Variants in CSMD3 observed in about 807,000 individuals in gnomAD.
CSMD3 encodes CUB and Sushi multiple domains 3, also known as CUB and sushi domain-containing protein 3.
Under a neutral mutation model 435.2 loss-of-function variants are expected in CSMD3, and 177 were observed. That is an observed-to-expected ratio of 0.41 (90% CI 0.36 to 0.46). CSMD3 has a LOEUF of 0.46. Ranked by LOEUF, CSMD3 falls within the 20% of genes least tolerant of loss-of-function variation. CSMD3 has a pLI of 0.34. For synonymous variants in CSMD3, 1,656 were observed against 1,520.5 expected (o/e 1.09, Z -2.07); for missense variants, 4,265 against 4,504.6 (o/e 0.95, Z 1.52).
intron 3 of CSMD3, among the ~76,000 whole-genome samples, chr8:113,237,980 C>A (rs943406135): frequency 1.3e-5 from 2 of 149,158 alleles, no homozygotes; most frequent in African/African-American, 4.9e-5. Flanking sequence ...GAGGCCGAGG[C>A]AGGAGAATCA....
chr8:113,062,209 A>G (rs2088647078), intron 5 of CSMD3, among the ~76,000 whole-genome samples: 1 of 151,862 alleles, frequency 6.6e-6, no homozygotes, highest in Admixed American at 6.6e-5. Flanking sequence ...AAAAAAGTTC[A>G]TTGTTTATTT....
intron 12 of CSMD3, among the ~76,000 whole-genome samples, chr8:112,809,266 A>G (rs2079164810): frequency 6.6e-6 from 1 of 152,114 alleles, no homozygotes; most frequent in Non-Finnish European, 1.5e-5. Flanking sequence ...ATTGACCAGG[A>G]GATTCGATTT....
intron 4 of CSMD3, among the ~76,000 whole-genome samples, chr8:113,105,312 A>G (rs1012526880): frequency 1.1e-4 from 16 of 152,144 alleles, no homozygotes; most frequent in Admixed American, 9.2e-4. Flanking sequence ...CTAAGGAGAT[A>G]CATTCCGGAC....
intron 3 of CSMD3, among the ~76,000 whole-genome samples, chr8:113,237,165 T>C (rs1470189002): frequency 5.9e-5 from 9 of 152,186 alleles, no homozygotes; most frequent in African/African-American, 2.2e-4. Flanking sequence ...TGAAATAACA[T>C]TTTTAAGTGA....
At chr8:112,945,443 G>A (rs1041798310) in intron 9 of CSMD3, among the ~76,000 whole-genome samples, 1 of 151,696 alleles carries the variant, frequency 6.6e-6, no homozygotes, top group Non-Finnish European at 1.5e-5. Flanking sequence ...TGAGCTAAAT[G>A]AGTAAAGTAG....
At chr8:113,400,485 C>A (rs1342058490) in intron 1 of CSMD3, among the ~76,000 whole-genome samples, 1 of 151,900 alleles carries the variant, frequency 6.6e-6, no homozygotes, top group African/African-American at 2.4e-5. Context: ...TGCTATGATA[C>A]TTTTAATATA....
At chr8:113,191,135 C>T (rs1054863591) in intron 3 of CSMD3, among the ~76,000 whole-genome samples, 5 of 151,706 alleles carry the variant, frequency 3.3e-5, no homozygotes, top group African/African-American at 1.2e-4. Context: ...CAGAGAAACA[C>T]CAGGAACTTC....
intron 7 of CSMD3, among the ~76,000 whole-genome samples, chr8:112,962,841 G>T (rs2084280949): frequency 6.6e-6 from 1 of 151,868 alleles, no homozygotes; most frequent in South Asian, 2.1e-4. Context: ...CCAGAAATTT[G>T]ATCTGAATGG....
intron 32 of CSMD3, among the ~76,000 whole-genome samples, chr8:112,463,677 G>A (rs911973156): frequency 2.6e-5 from 4 of 152,156 alleles, no homozygotes. Context: ...GGACTTATCT[G>A]TGTACTTTAT....
At chr8:112,497,005 C>T (rs1037223890) in intron 30 of CSMD3, among the ~76,000 whole-genome samples, 3 of 152,052 alleles carry the variant, frequency 2.0e-5, no homozygotes, top group Admixed American at 6.5e-5. Context: ...ATGGAAACCC[C>T]GTTTACCCTC....
intron 13 of CSMD3, among the ~76,000 whole-genome samples, chr8:112,721,847 G>A (rs2076865349): frequency 6.6e-6 from 1 of 151,954 alleles, no homozygotes; most frequent in Non-Finnish European, 1.5e-5. Flanking sequence ...TGATGTGTGA[G>A]GTAAAACACA....
intron 22 of CSMD3, among the ~76,000 whole-genome samples, chr8:112,603,882 T>C (rs138364428): frequency 1.1e-4 from 17 of 152,262 alleles, no homozygotes; most frequent in African/African-American, 3.8e-4. Context: ...ATATATTAGG[T>C]AAGTTAAGGC....
intron 1 of CSMD3, among the ~76,000 whole-genome samples, chr8:113,381,732 A>G (rs2094416703): frequency 6.6e-6 from 1 of 152,114 alleles, no homozygotes; most frequent in Non-Finnish European, 1.5e-5. Context: ...TAAAGGAGGT[A>G]AAATATGATT....
intron 32 of CSMD3, among the ~76,000 whole-genome samples, chr8:112,458,280 A>G (rs556985552): frequency 1.2e-4 from 18 of 147,454 alleles, no homozygotes; most frequent in African/African-American, 4.4e-4. Context: ...GACACTTAGC[A>G]TCCTTAGAGA....
chr8:112,437,737 T>C (rs1407814100), intron 32 of CSMD3, among the ~76,000 whole-genome samples: 1 of 152,138 alleles, frequency 6.6e-6, no homozygotes, highest in Non-Finnish European at 1.5e-5. Flanking sequence ...TTCCAGTAAT[T>C]TTTAATGTTA....
intron 32 of CSMD3, among the ~76,000 whole-genome samples, chr8:112,455,297 T>C (rs1374917904): frequency 1.3e-5 from 2 of 151,796 alleles, no homozygotes; most frequent in East Asian, 3.9e-4. Flanking sequence ...GCAACATAGA[T>C]GCAACTGTAG....
intron 22 of CSMD3, among the ~76,000 whole-genome samples, chr8:112,615,772 T>C (rs977492270): frequency 1.3e-5 from 2 of 152,094 alleles, no homozygotes; most frequent in Admixed American, 6.6e-5. Flanking sequence ...ACACTGGAGC[T>C]GCTATAGCCA....
intron 32 of CSMD3, among the ~76,000 whole-genome samples, chr8:112,418,757 T>A (rs1225925717): frequency 6.6e-6 from 1 of 152,200 alleles, no homozygotes; most frequent in African/African-American, 2.4e-5. Flanking sequence ...TTACATTAAT[T>A]GATTAATGAA....
chr8:112,661,835 A>ATAC (rs1390850459), intron 17 of CSMD3, among the ~76,000 whole-genome samples: 1 of 152,044 alleles, frequency 6.6e-6, no homozygotes, highest in Non-Finnish European at 1.5e-5. Flanking sequence ...AATAATAATA[A>ATAC]TAGTATGTTT....
Sources: gnomAD v4.1 joint callset for allele counts (sites outside exome capture counted in the v4.1 genomes callset) on GRCh38, gnomAD v4.1.1 for gene constraint, MANE v1.5 for transcripts, NCBI Gene and HGNC (gene_info 2026-07-23, HGNC 2026-07-21) for gene names.